PHACTR4: variants seen among roughly 807,000 people sequenced by gnomAD.
The protein encoded by PHACTR4 is protein phosphatase 1, regulatory subunit 124.
A neutral mutation model predicts 72.7 loss-of-function variants in PHACTR4; 51 were observed. The ratio of observed to expected loss-of-function variants is 0.70; its 90% confidence interval spans 0.56 to 0.89. PHACTR4 has a LOEUF of 0.89. Among genes scored for constraint, PHACTR4 ranks in the 40% least tolerant of loss-of-function variants. The pLI is 0.00. For missense variants in PHACTR4, 731 were observed against 861.8 expected (o/e 0.85, Z 1.90); for synonymous variants, 255 against 302.5 (o/e 0.84, Z 1.63).
intron 2 of PHACTR4, among the ~76,000 whole-genome samples, chr1:28,424,731 G>A (rs1655723671): frequency 1.3e-5 from 2 of 151,410 alleles, no homozygotes; most frequent in African/African-American, 4.9e-5. Context: ...CTTGTGATCT[G>A]CCCGCCTCAG....
At chr1:28,451,343 CAG>C (rs955520027) in intron 2 of PHACTR4, among the ~76,000 whole-genome samples, 50 of 151,804 alleles carry the variant, frequency 3.3e-4, no homozygotes, top group African/African-American at 1.1e-3. Flanking sequence ...TCCTGTCAAA[CAG>C]AAATTCATAC....
At chr1:28,387,259 CAAAAAAAA>C (rs11431699) in intron 1 of PHACTR4, among the ~76,000 whole-genome samples, 2 of 96,508 alleles carry the variant, frequency 2.1e-5, no homozygotes, top group Admixed American at 1.2e-4. Context: ...GACCCTGTCT[CAAAAAAAA>C]AAAAAAAAAA....
chr1:28,461,261 G>A (rs970510124), intron 4 of PHACTR4, among the ~76,000 whole-genome samples: 5 of 152,020 alleles, frequency 3.3e-5, no homozygotes, highest in African/African-American at 1.2e-4. Context: ...CCAAAATGGT[G>A]AAACCCCATC....
At chr1:28,480,334 G>A in intron 8 of PHACTR4, 117 bp from the exon 9 acceptor site, 1 of 1,205,696 alleles carries the variant, frequency 8.3e-7, no homozygotes, top group South Asian at 1.5e-5. Flanking sequence ...TTTGAGGCCA[G>A]GTGGGAACTG....
intron 1 of PHACTR4, among the ~76,000 whole-genome samples, chr1:28,398,236 G>A (rs1653672123): frequency 6.6e-6 from 1 of 152,076 alleles, no homozygotes; most frequent in Non-Finnish European, 1.5e-5. Flanking sequence ...ATATCTGTTG[G>A]GTGGCTGGCC....
chr1:28,441,731 G>A (rs1201627181), intron 2 of PHACTR4, among the ~76,000 whole-genome samples: 2 of 152,138 alleles, frequency 1.3e-5, no homozygotes, highest in African/African-American at 2.4e-5. Flanking sequence ...GCATTGGTTC[G>A]TGTCTATAAT....
At chr1:28,457,019 T>C (rs1658442326) in intron 2 of PHACTR4, among the ~76,000 whole-genome samples, 1 of 152,226 alleles carries the variant, frequency 6.6e-6, no homozygotes, top group African/African-American at 2.4e-5. Flanking sequence ...GTATAAGTCA[T>C]GCAACTAGGA....
intron 2 of PHACTR4, among the ~76,000 whole-genome samples, chr1:28,419,367 A>G (rs897556850): frequency 6.6e-6 from 1 of 151,890 alleles, no homozygotes; most frequent in African/African-American, 2.4e-5. Context: ...ATATCTAAGG[A>G]TTATGTAGAT....
At chr1:28,371,271 C>G (rs1484884251) in intron 1 of PHACTR4, among the ~76,000 whole-genome samples, 4 of 152,076 alleles carry the variant, frequency 2.6e-5, no homozygotes, top group Non-Finnish European at 5.9e-5. Context: ...AGCCACTGTG[C>G]CCGACTATTT....
At chr1:28,385,694 G>A (rs577821405) in intron 1 of PHACTR4, among the ~76,000 whole-genome samples, 13 of 141,298 alleles carry the variant, frequency 9.2e-5, no homozygotes, top group Non-Finnish European at 1.8e-4. Context: ...CCAACTCACT[G>A]CAACCTCCGC....
At chr1:28,410,233 T>C (rs1442296481) in intron 2 of PHACTR4, among the ~76,000 whole-genome samples, 1 of 100,102 alleles carries the variant, frequency 1.0e-5, no homozygotes, top group Non-Finnish European at 2.5e-5. Flanking sequence ...CCCAAAGTGC[T>C]GGGATTACAG....
At chr1:28,474,835 G>GC (rs1424118723) in intron 7 of PHACTR4, among the ~76,000 whole-genome samples, 2 of 152,004 alleles carry the variant, frequency 1.3e-5, no homozygotes, top group Non-Finnish European at 1.5e-5. Flanking sequence ...GAGCCACCGC[G>GC]CCCAGCATTG....
At chr1:28,380,165 T>A (rs925647106) in intron 1 of PHACTR4, among the ~76,000 whole-genome samples, 16 of 146,746 alleles carry the variant, frequency 1.1e-4, no homozygotes, top group Non-Finnish European at 2.2e-4. Flanking sequence ...CACGCCATTC[T>A]CCTGCCTCAG....
chr1:28,490,856 CA>C (rs1168047442), intron 10 of PHACTR4, 94 bp from the exon 11 acceptor site: 1 of 1,125,002 alleles, frequency 8.9e-7, no homozygotes, highest in Non-Finnish European at 1.3e-6. Flanking sequence ...AAAAAAAAAA[CA>C]AAAAAGAAAT....
At chr1:28,426,383 G>A (rs1410697255) in intron 2 of PHACTR4, among the ~76,000 whole-genome samples, 1 of 152,104 alleles carries the variant, frequency 6.6e-6, no homozygotes, top group African/African-American at 2.4e-5. Context: ...GGGAGGCCAG[G>A]CATGGTGGCT....
In PHACTR4 at chr1:28,459,835, C is replaced by G. The variant is rs188380458; in HGVS notation, c.191-377C>G. 3.3e-5 allele frequency among the ~76,000 whole-genome samples: 5 copies of G among 152,214 alleles called. No individual in the cohort carries two copies. The East Asian group carries it at 5.8e-4, about 18-fold the overall frequency. ...GTGGTGAATGGAGTTCCTGAACTGTCGCAAATCTAAGATGCTTCTTTCCAT... is the reference window on the plus strand; with the variant it reads ...GTGGTGAATGGAGTTCCTGAACTGTGGCAAATCTAAGATGCTTCTTTCCAT... On this transcript the variant is annotated intron_variant, in intron 3 of 13. Coordinates refer to ENST00000373839, the MANE Select transcript of PHACTR4 (RefSeq NM_001048183.3).
At chr1:28,420,048 G>A (rs1002218381) in intron 2 of PHACTR4, among the ~76,000 whole-genome samples, 3 of 152,060 alleles carry the variant, frequency 2.0e-5, no homozygotes, top group South Asian at 2.1e-4. Flanking sequence ...CAGGCAAATC[G>A]TCTGAGCGCA....
chr1:28,419,567 C>T (rs918891061), intron 2 of PHACTR4, among the ~76,000 whole-genome samples: 5 of 151,798 alleles, frequency 3.3e-5, no homozygotes, highest in South Asian at 2.1e-4. Flanking sequence ...CTCAGCCTGC[C>T]GAGTAGCTGG....
intron 13 of PHACTR4, among the ~76,000 whole-genome samples, chr1:28,494,892 C>CA (rs1374620125): frequency 2.6e-5 from 4 of 151,998 alleles, no homozygotes; most frequent in African/African-American, 9.7e-5. Context: ...CTGATGCAAA[C>CA]AACAAAGATG....
Sources: gnomAD v4.1 joint callset for allele counts (sites outside exome capture counted in the v4.1 genomes callset) on GRCh38, gnomAD v4.1.1 for gene constraint, MANE v1.5 for transcripts, NCBI Gene and HGNC (gene_info 2026-07-23, HGNC 2026-07-21) for gene names.